The following LRP1B variants were observed in gnomAD, a reference collection of about 807,000 sequenced individuals.
LRP1B encodes low-density lipoprotein receptor-related protein 1B.
LRP1B carries 217 observed loss-of-function variants against 556.6 expected under a neutral mutation model. The ratio of observed to expected loss-of-function variants is 0.39; its 90% CI spans 0.35 to 0.44. The LOEUF (loss-of-function observed/expected upper bound fraction) is 0.44, where lower values mean the gene tolerates loss of function less well. Ranked by LOEUF, LRP1B falls within the 20% of genes least tolerant of loss-of-function variation. The pLI is 1.00. For missense variants in LRP1B, 5,053 were observed against 5,620.8 expected (o/e 0.90, Z 3.23); for synonymous variants, 2,047 against 1,865.8 (o/e 1.10, Z -2.50).
Position 140,275,050 on chromosome 2 carries a change from C to T in LRP1B, c.12968-452G>A, listed in dbSNP as rs888555087. On this transcript the variant is annotated intron_variant, in intron 84 of 90. Coordinates refer to ENST00000389484, the MANE Select transcript of LRP1B (RefSeq NM_018557.3). The stretch of plus-strand genomic sequence containing the variant: ...GAAAGAATGAGGGTCGTGATTACAT[C>T]GGTATAGCACTGGAGGCTATATGAG... Among the ~76,000 whole-genome samples, 3 of 151,914 alleles carry T rather than the reference C, an allele frequency of 2.0e-5. No individual in the cohort carries two copies. The East Asian group carries it at 5.8e-4, about 30-fold the overall frequency.
intron 3 of LRP1B, among the ~76,000 whole-genome samples, chr2:141,447,816 G>A (rs1681253895): frequency 1.3e-5 from 2 of 152,128 alleles, no homozygotes; most frequent in Admixed American, 1.3e-4. Flanking sequence ...CTGCCAGGGT[G>A]CCAGCCAGGG....
chr2:140,824,326 A>C (rs1691432479), intron 31 of LRP1B, among the ~76,000 whole-genome samples: 1 of 152,092 alleles, frequency 6.6e-6, no homozygotes, highest in Non-Finnish European at 1.5e-5. Context: ...GGATAGATCA[A>C]AAATTACAAT....
chr2:141,096,627 G>GGGGAGA lies in LRP1B; in HGVS notation c.1014-34360_1014-34355dup, dbSNP rs767475550. ...GCCTGAATGACAAAGACGGGGAGAG[G>GGGGAGA]GGGAGAGAGAGAGAGAGAGAGAGAG... On this transcript the variant is annotated intron_variant, in intron 7 of 90. Coordinates refer to ENST00000389484, the MANE Select transcript of LRP1B (RefSeq NM_018557.3). Among the ~76,000 whole-genome samples the GGGGAGA allele has an allele frequency of 1.7e-3, 86 of 50,540 alleles. 3 individuals are homozygous for GGGGAGA. The highest frequency in any genetic ancestry group is 6.4e-3 in the African/African-American group (83 of 13,022). The allele number at this position is 50,540 out of a possible 152,430, so 33.2% of individuals were successfully genotyped here. A position where few individuals can be genotyped will look rare whatever the true frequency, so the allele number is the denominator to read the frequency against.
intron 41 of LRP1B, among the ~76,000 whole-genome samples, chr2:140,653,915 C>T (rs560912024): frequency 3.4e-5 from 5 of 148,290 alleles, no homozygotes; most frequent in South Asian, 2.2e-4. Context: ...ATCCCAGCTA[C>T]TTGGGAGGCT....
At chr2:141,150,662 C>T (rs892266621) in intron 7 of LRP1B, among the ~76,000 whole-genome samples, 5 of 152,120 alleles carry the variant, frequency 3.3e-5, no homozygotes, top group Admixed American at 1.3e-4. Flanking sequence ...AATTATTTCA[C>T]GTCCAAAATC....
At chr2:140,401,149 G>A (rs544654097) in intron 66 of LRP1B, among the ~76,000 whole-genome samples, 2 of 152,196 alleles carry the variant, frequency 1.3e-5, no homozygotes, top group East Asian at 1.9e-4. Context: ...GGTGGGGCTA[G>A]TGGGAAGTAC....
intron 71 of LRP1B, among the ~76,000 whole-genome samples, chr2:140,367,090 C>A (rs889787777): frequency 6.6e-6 from 1 of 151,562 alleles, no homozygotes; most frequent in African/African-American, 2.4e-5. Context: ...CAGCTACAGG[C>A]AGATTTGCTA....
intron 3 of LRP1B, among the ~76,000 whole-genome samples, chr2:141,285,630 A>AT (rs1237401296): frequency 6.9e-6 from 1 of 145,426 alleles, no homozygotes; most frequent in African/African-American, 2.5e-5. Context: ...TGATTTTTTT[A>AT]TTTTTAGTAG....
intron 1 of LRP1B, among the ~76,000 whole-genome samples, chr2:142,054,959 T>C (rs1032696012): frequency 4.6e-5 from 7 of 152,174 alleles, no homozygotes; most frequent in African/African-American, 1.7e-4. Context: ...TACAAGTAAC[T>C]CAAATCTTGT....
Position 140,427,658 on chromosome 2 carries a change from G to A in LRP1B, c.10414+14846C>T, listed in dbSNP as rs571433805. On this transcript the variant is annotated intron_variant, in intron 66 of 90. Transcript: ENST00000389484. ...ATATCCAGGCATTCTTTTACACATC[G>A]GTCCATCCCTGGTCTCTGTTCCCAA... Among the ~76,000 whole-genome samples the A allele has an allele frequency of 4.6e-5, 7 of 152,062 alleles. No homozygotes were observed. The South Asian group carries it at 6.2e-4, about 14-fold the overall frequency.
chr2:141,552,973 T>C (rs1332870817), intron 2 of LRP1B, among the ~76,000 whole-genome samples: 1 of 151,872 alleles, frequency 6.6e-6, no homozygotes, highest in Admixed American at 6.6e-5. Flanking sequence ...GTTAAGTATG[T>C]AGAAGAAACA....
intron 1 of LRP1B, among the ~76,000 whole-genome samples, chr2:142,082,603 T>C (rs7580989): frequency 0.017 from 2,520 of 152,232 alleles, 70 homozygotes; most frequent in African/African-American, 0.058. Flanking sequence ...TGGAGTATAG[T>C]TGTTAAGAGC....
Position 141,520,633 on chromosome 2 carries a change from G to A in LRP1B, c.206-40100C>T, listed in dbSNP as rs936809974. 2.6e-5 allele frequency among the ~76,000 whole-genome samples: 4 copies of A among 151,966 alleles called. No homozygotes were observed. The East Asian group carries it at 7.8e-4, about 29-fold the overall frequency. On this transcript the variant is annotated intron_variant, in intron 2 of 90. Transcript: ENST00000389484. ...TGTGACGGCGATGGTAAACGGGTCG[G>A]GAGAGGACTTGAAAGGGTAAATTCA...
chr2:140,496,151 T>A (rs1264574958), intron 55 of LRP1B, among the ~76,000 whole-genome samples: 2 of 152,160 alleles, frequency 1.3e-5, no homozygotes, highest in African/African-American at 4.8e-5. Context: ...TTTTTAACAT[T>A]GTCACATATG....
At chr2:141,725,899 G>A (rs1188544124) in intron 2 of LRP1B, among the ~76,000 whole-genome samples, 1 of 151,526 alleles carries the variant, frequency 6.6e-6, no homozygotes, top group Non-Finnish European at 1.5e-5. Context: ...CCTGTAATAA[G>A]AAGGCAATAA....
intron 6 of LRP1B, among the ~76,000 whole-genome samples, chr2:141,225,480 T>G (rs902783627): frequency 3.9e-5 from 6 of 152,158 alleles, no homozygotes; most frequent in Non-Finnish European, 8.8e-5. Context: ...TTTGTTATTT[T>G]GGGTATCTGT....
intron 1 of LRP1B, among the ~76,000 whole-genome samples, chr2:142,096,392 G>A (rs1016332059): frequency 2.0e-5 from 3 of 150,902 alleles, no homozygotes; most frequent in African/African-American, 4.9e-5. Context: ...AGGGAGCAAG[G>A]TAAAGCTGTC....
At chr2:141,436,579 T>TCTTGGGGAAAGGGCATGCTAA (rs6146941) in intron 3 of LRP1B, among the ~76,000 whole-genome samples, 1 of 152,058 alleles carries the variant, frequency 6.6e-6, no homozygotes, top group Non-Finnish European at 1.5e-5. Context: ...ATTACTGTTT[T>TCTTGGGGAAAGGGCATGCTAA]CTCTCTTCTG....
chr2:141,733,195 G>A (rs897201932), intron 2 of LRP1B, among the ~76,000 whole-genome samples: 4 of 152,064 alleles, frequency 2.6e-5, no homozygotes, highest in African/African-American at 9.7e-5. Flanking sequence ...TCAATAGTCT[G>A]ATTTTCATTT....
Sources: allele counts gnomAD v4.1 joint callset (sites outside exome capture counted in the v4.1 genomes callset), GRCh38; gene constraint gnomAD v4.1.1; transcripts MANE v1.5; gene names NCBI Gene and HGNC (gene_info 2026-07-23, HGNC 2026-07-21).